Variants in NKAIN2 observed in about 807,000 individuals in gnomAD.
The protein encoded by NKAIN2 is sodium/potassium transporting ATPase interacting 2.
NKAIN2 carries 14 observed loss-of-function variants against 32.6 expected under a neutral mutation model. That is an observed-to-expected ratio of 0.43 (90% CI 0.28 to 0.67). The LOEUF (loss-of-function observed/expected upper bound fraction) is 0.67, where lower values mean the gene tolerates loss of function less well. Ranked by LOEUF, NKAIN2 falls within the 30% of genes least tolerant of loss-of-function variation. NKAIN2 has a pLI of 0.17. For synonymous variants in NKAIN2, 80 were observed against 87.2 expected, an observed-to-expected ratio of 0.92 and a Z score of 0.46; for missense variants, 198 against 258.3, an observed-to-expected ratio of 0.77 and a Z score of 1.60.
chr6:124,510,866 A>G (rs2114772601), intron 3 of NKAIN2, among the ~76,000 whole-genome samples: 1 of 152,352 alleles, frequency 6.6e-6, no homozygotes, highest in Admixed American at 6.5e-5. Flanking sequence ...ATATCAAGGG[A>G]GAATTCTAAC....
At chr6:124,610,859 C>G (rs980808201) in intron 3 of NKAIN2, among the ~76,000 whole-genome samples, 2 of 151,942 alleles carry the variant, frequency 1.3e-5, no homozygotes, top group African/African-American at 4.8e-5. Context: ...ATGTACTTGA[C>G]CACCAATATA....
chr6:124,652,205 A>G (rs949939240), intron 3 of NKAIN2, among the ~76,000 whole-genome samples: 2 of 152,204 alleles, frequency 1.3e-5, no homozygotes, highest in Admixed American at 6.5e-5. Context: ...GCCACTTTAT[A>G]TCAAGGATGG....
At chr6:124,446,900 G>A (rs1343503349) in intron 3 of NKAIN2, among the ~76,000 whole-genome samples, 3 of 152,060 alleles carry the variant, frequency 2.0e-5, no homozygotes, top group African/African-American at 7.2e-5. Context: ...ACATTATGAT[G>A]ATGGTGGTGG....
chr6:124,625,327 G>GTTTC (rs35432958), intron 3 of NKAIN2, among the ~76,000 whole-genome samples: 3 of 60,344 alleles, frequency 5.0e-5, no homozygotes, highest in Non-Finnish European at 1.1e-4. Flanking sequence ...TTACATGTCA[G>GTTTC]TTTCTTAAAT....
At chr6:123,819,002 G>A (rs183657527) in intron 1 of NKAIN2, among the ~76,000 whole-genome samples, 8 of 152,216 alleles carry the variant, frequency 5.3e-5, no homozygotes, top group African/African-American at 1.9e-4. Context: ...GTGTTAAGTG[G>A]GTGTAGGATG....
chr6:124,653,036 A>T (rs984678145), intron 3 of NKAIN2, among the ~76,000 whole-genome samples: 2 of 152,174 alleles, frequency 1.3e-5, no homozygotes, highest in African/African-American at 4.8e-5. Context: ...TGTGAAATTC[A>T]ATGTTTATGG....
chr6:123,945,163 A>C (rs1777006296), intron 1 of NKAIN2, among the ~76,000 whole-genome samples: 1 of 152,098 alleles, frequency 6.6e-6, no homozygotes, highest in Non-Finnish European at 1.5e-5. Flanking sequence ...TGTTTATGAC[A>C]GTATTTTAAA....
intron 4 of NKAIN2, among the ~76,000 whole-genome samples, chr6:124,737,358 C>A (rs1011915747): frequency 6.6e-6 from 1 of 151,838 alleles, no homozygotes; most frequent in Admixed American, 6.6e-5. Flanking sequence ...CTTCTCCTTG[C>A]TGCCACCATG....
At chr6:124,503,698 G>A (rs1778377347) in intron 3 of NKAIN2, among the ~76,000 whole-genome samples, 2 of 152,086 alleles carry the variant, frequency 1.3e-5, no homozygotes, top group African/African-American at 4.8e-5. Context: ...ACTCTCTGAG[G>A]TGCTGAAGGC....
chr6:124,106,363 T>C (rs985726207), intron 1 of NKAIN2, among the ~76,000 whole-genome samples: 2 of 152,208 alleles, frequency 1.3e-5, no homozygotes, highest in Non-Finnish European at 2.9e-5. Context: ...TATGATTTTT[T>C]TGTTATTACT....
At chr6:123,905,868 T>C (rs1445070028) in intron 1 of NKAIN2, among the ~76,000 whole-genome samples, 1 of 152,204 alleles carries the variant, frequency 6.6e-6, no homozygotes, top group African/African-American at 2.4e-5. Context: ...AAAAGTACTA[T>C]TAATCTTTGA....
Position 124,347,260 on chromosome 6 carries a change from C to G in NKAIN2, c.193-8007C>G, listed in dbSNP as rs559069377. Among the ~76,000 whole-genome samples, 1,193 of 152,130 alleles carry G rather than the reference C, an allele frequency of 7.8e-3. 8 individuals are homozygous for G. The highest frequency in any genetic ancestry group is 0.012 in the Non-Finnish European group (841 of 67,970). The stretch of plus-strand genomic sequence containing the variant: ...TAACCCGACCTTTCTCTCTGGCTGC[C>G]TTTAACATTTTTTCCTTCATTTCAA... On this transcript the variant is annotated intron_variant, in intron 2 of 6. Transcript: ENST00000368417.
chr6:124,386,305 C>T (rs1461276537), intron 3 of NKAIN2, among the ~76,000 whole-genome samples: 2 of 152,120 alleles, frequency 1.3e-5, no homozygotes, highest in Non-Finnish European at 1.5e-5. Flanking sequence ...CAGGTGTTAT[C>T]ATTCAATAGC....
chr6:124,000,657 AG>A (rs1371725433), intron 1 of NKAIN2, among the ~76,000 whole-genome samples: 1 of 152,026 alleles, frequency 6.6e-6, no homozygotes, highest in Non-Finnish European at 1.5e-5. Flanking sequence ...TATACTCTGT[AG>A]GGTTTATAGC....
At position 124,243,229 on chromosome 6, in the gene NKAIN2, T is replaced by C. The variant is rs1389716560; in HGVS notation, c.55-39776T>C. Reference sequence around the variant, plus strand: ...ATGTTGGTTGGCTGGGTGTAGTGGGTCACTCCTGTAATCCCAGCACTTTGG... The same window carrying C: ...ATGTTGGTTGGCTGGGTGTAGTGGGCCACTCCTGTAATCCCAGCACTTTGG... On this transcript the variant is annotated intron_variant, in intron 1 of 6. Transcript: ENST00000368417. Among the ~76,000 whole-genome samples the C allele has an allele frequency of 2.0e-5, 3 of 151,856 alleles. No homozygotes were observed. In the East Asian group the frequency reaches 5.8e-4, roughly 29 times the overall value.
At chr6:124,475,178 A>G (rs1031666180) in intron 3 of NKAIN2, among the ~76,000 whole-genome samples, 1 of 152,010 alleles carries the variant, frequency 6.6e-6, no homozygotes, top group African/African-American at 2.4e-5. Flanking sequence ...CAAAATTGAC[A>G]AAATAGATTT....
chr6:124,777,787 G>A (rs538245946), intron 4 of NKAIN2, among the ~76,000 whole-genome samples: 65 of 152,110 alleles, frequency 4.3e-4, no homozygotes, highest in African/African-American at 1.5e-3. Context: ...AAAGAGGTGA[G>A]GTATAAAAAA....
intron 1 of NKAIN2, among the ~76,000 whole-genome samples, chr6:124,167,724 A>C (rs920090170): frequency 3.9e-5 from 6 of 152,200 alleles, no homozygotes; most frequent in African/African-American, 1.4e-4. Context: ...AGTTTTTAGC[A>C]TGAAGGGTTG....
intron 1 of NKAIN2, among the ~76,000 whole-genome samples, chr6:123,998,293 C>G (rs1019172932): frequency 6.6e-6 from 1 of 152,036 alleles, no homozygotes; most frequent in African/African-American, 2.4e-5. Flanking sequence ...ATGATATATC[C>G]TCCATTCAAA....
Sources: gnomAD v4.1 joint callset for allele counts (sites outside exome capture counted in the v4.1 genomes callset) on GRCh38, gnomAD v4.1.1 for gene constraint, MANE v1.5 for transcripts, NCBI Gene and HGNC (gene_info 2026-07-23, HGNC 2026-07-21) for gene names.